MARCHF11: variants seen among roughly 807,000 people sequenced by gnomAD.
MARCHF11 encodes E3 ubiquitin-protein ligase MARCHF11.
Under a neutral mutation model 37.3 loss-of-function variants are expected in MARCHF11, and 29 were observed. The observed-to-expected ratio is 0.78, with a 90% confidence interval of 0.58 to 1.06. The LOEUF is 1.06. MARCHF11 is among the 50% of genes least tolerant of loss of function. The pLI, the probability that MARCHF11 is intolerant of heterozygous loss-of-function variation, is 0.00. For missense variants in MARCHF11, 482 were observed against 533.4 expected (o/e 0.90, Z 0.95); for synonymous variants, 233 against 228.0 (o/e 1.02, Z -0.20).
chr5:16,132,963 G>A (rs6858941), intron 2 of MARCHF11, among the ~76,000 whole-genome samples: 4,001 of 152,150 alleles, frequency 0.026, 196 homozygotes, highest in African/African-American at 0.091. Context: ...AAATAAAGAC[G>A]TAGTGAAGGA....
chr5:16,147,188 A>G (rs1737813055), intron 2 of MARCHF11, among the ~76,000 whole-genome samples: 2 of 152,166 alleles, frequency 1.3e-5, no homozygotes, highest in South Asian at 4.1e-4. Context: ...AGAGAGTTCC[A>G]AGAACACCTT....
chr5:16,134,179 T>C (rs1190592627), intron 2 of MARCHF11, among the ~76,000 whole-genome samples: 1 of 152,172 alleles, frequency 6.6e-6, no homozygotes, highest in African/African-American at 2.4e-5. Flanking sequence ...CTGGTGGGAA[T>C]GTAAAATGAC....
In MARCHF11 at chr5:16,177,901, G is replaced by A; in HGVS notation, c.538-20C>T. 1 of 1,595,850 alleles carries A rather than the reference G, an allele frequency of 6.3e-7. No homozygotes were observed. The highest frequency in any genetic ancestry group is 8.5e-7 in the Non-Finnish European group (1 of 1,172,358). On this transcript the variant is annotated intron_variant, in intron 1 of 3. Transcript: ENST00000332432. ...CTCACCCTAAAAAGAAAACAGCTCA[G>A]TGTGAATATCTGTGTCTGTGTCTCT...
chr5:16,085,284 C>A (rs1336264638), intron 3 of MARCHF11, among the ~76,000 whole-genome samples: 1 of 151,958 alleles, frequency 6.6e-6, no homozygotes, highest in African/African-American at 2.4e-5. Flanking sequence ...GGTCTCTGAT[C>A]TTGATCAGTT....
At chr5:16,148,476 G>A (rs1456823539) in intron 2 of MARCHF11, among the ~76,000 whole-genome samples, 1 of 152,004 alleles carries the variant, frequency 6.6e-6, no homozygotes, top group African/African-American at 2.4e-5. Flanking sequence ...ATTGATCCTT[G>A]TACAAAAGCA....
rs1488258895 is a variant in MARCHF11, at chr5:16,091,063, T to C, written c.712A>G (p.Thr238Ala). 2 of 1,594,368 alleles carry C rather than the reference T, an allele frequency of 1.3e-6. No individual in the cohort carries two copies. The highest frequency in any genetic ancestry group is 1.7e-6 in the Non-Finnish European group (2 of 1,169,612). Residue 238 changes from threonine (T) to alanine (A), a missense_variant, in exon 3 of 4, where the codon ACA (threonine) becomes GCA (alanine). Transcript: ENST00000332432. ...QPCQWQSISI[T>A]LVEKVQMIAV... ...ATCATCTGAACTTTCTCAACCAGTG[T>C]TATAGAAATGCTCTGCCACTAAAAG... is the stretch of plus-strand genomic sequence containing the variant.
At chr5:16,178,431 A>G (rs1738401470) in intron 1 of MARCHF11, among the ~76,000 whole-genome samples, 1 of 152,198 alleles carries the variant, frequency 6.6e-6, no homozygotes, top group African/African-American at 2.4e-5. Context: ...CCTCTGCATG[A>G]TTACTCTCAT....
intron 2 of MARCHF11, 119 bp downstream of exon 2, chr5:16,177,607 T>C (rs342548): frequency 0.73 from 591,767 of 815,102 alleles, 215,784 homozygotes; most frequent in East Asian, 0.86. Context: ...TTGGTTTTAG[T>C]GTAATTTTCA....
At chr5:16,105,155 A>G (rs1737017371) in intron 2 of MARCHF11, among the ~76,000 whole-genome samples, 1 of 152,186 alleles carries the variant, frequency 6.6e-6, no homozygotes, top group Non-Finnish European at 1.5e-5. Flanking sequence ...TTAAACTCCA[A>G]ATCATGTCTC....
chr5:16,172,733 A>G (rs1222086098), intron 2 of MARCHF11, among the ~76,000 whole-genome samples: 1 of 152,206 alleles, frequency 6.6e-6, no homozygotes, highest in African/African-American at 2.4e-5. Context: ...TCAGTTCTGA[A>G]GGTGGAAATG....
intron 2 of MARCHF11, 41 bp from the exon 3 acceptor site, chr5:16,091,122 T>A (rs769995547): frequency 1.5e-6 from 2 of 1,301,110 alleles, no homozygotes; most frequent in South Asian, 3.1e-5. Context: ...GAGCTGTGTA[T>A]AATTAAAAAA....
At chr5:16,172,486 G>A (rs1738286435) in intron 2 of MARCHF11, among the ~76,000 whole-genome samples, 1 of 152,162 alleles carries the variant, frequency 6.6e-6, no homozygotes, top group Non-Finnish European at 1.5e-5. Context: ...AAGAATGGAA[G>A]TAAGAGCAGC....
chr5:16,141,414 A>C (rs756289837), intron 2 of MARCHF11: 2 of 152,186 alleles, frequency 1.3e-5, no homozygotes, highest in Non-Finnish European at 2.9e-5. Context: ...ACACTCCCAA[A>C]GTTTCAGGCA....
chr5:16,067,410 T>C lies in MARCHF11; in HGVS notation c.*61A>G. 6.8e-7 allele frequency: 1 copy of C among 1,463,706 alleles called. No homozygotes were observed. 90.7% of individuals were successfully genotyped at this position (1,463,706 alleles called of 1,614,324 possible). ...TTTAGAAGTGCTATGGTTTTGCCAT[T>C]CACTGCAATTACATTGCAAAATGTG... On this transcript the variant is annotated 3_prime_UTR_variant, in exon 4 of 4. Coordinates refer to ENST00000332432, the MANE Select transcript of MARCHF11 (RefSeq NM_001102562.3).
At chr5:16,177,939 T>A in intron 1 of MARCHF11, 58 bp from the exon 2 acceptor site, 3 of 1,483,010 alleles carry the variant, frequency 2.0e-6, no homozygotes, top group Non-Finnish European at 1.8e-6. Context: ...TTTAAAAACC[T>A]AATGCTTCCT....
chr5:16,153,167 G>C (rs888479809), intron 2 of MARCHF11, among the ~76,000 whole-genome samples: 4 of 152,004 alleles, frequency 2.6e-5, no homozygotes, highest in African/African-American at 9.7e-5. Flanking sequence ...GACAGGTAAT[G>C]TGACGTGATC....
At chr5:16,170,545 T>G (rs999281766) in intron 2 of MARCHF11, among the ~76,000 whole-genome samples, 1 of 152,184 alleles carries the variant, frequency 6.6e-6, no homozygotes, top group Non-Finnish European at 1.5e-5. Context: ...GGCTAATGTA[T>G]GAGTAATGAA....
At chr5:16,118,490 G>C (rs1737257073) in intron 2 of MARCHF11, among the ~76,000 whole-genome samples, 1 of 152,178 alleles carries the variant, frequency 6.6e-6, no homozygotes, top group African/African-American at 2.4e-5. Context: ...GAGGAGATCG[G>C]AGAACAAGAA....
intron 2 of MARCHF11, among the ~76,000 whole-genome samples, chr5:16,112,628 A>T (rs1402549661): frequency 6.6e-6 from 1 of 152,132 alleles, no homozygotes; most frequent in East Asian, 1.9e-4. Flanking sequence ...TGGACTTTTG[A>T]TTTAATGCTG....
Sources: gnomAD v4.1 joint callset for allele counts (sites outside exome capture counted in the v4.1 genomes callset) on GRCh38, gnomAD v4.1.1 for gene constraint, MANE v1.5 for transcripts, NCBI Gene and HGNC (gene_info 2026-07-23, HGNC 2026-07-21) for gene names.